Variants in MAT1A observed in about 807,000 individuals in gnomAD.
MAT1A encodes the protein S-adenosylmethionine synthase isoform type-1.
MAT1A carries 19 observed loss-of-function variants against 44.0 expected under a neutral mutation model. The ratio of observed to expected loss-of-function variants is 0.43; its 90% confidence interval spans 0.30 to 0.63. The LOEUF (loss-of-function observed/expected upper bound fraction) is 0.63. Among genes scored for constraint, MAT1A ranks in the 30% least tolerant of loss-of-function variants. The pLI is 0.12. For missense variants in MAT1A, 397 were observed against 531.0 expected, an observed-to-expected ratio of 0.75 and a Z score of 2.48; for synonymous variants, 205 against 205.6, an observed-to-expected ratio of 1.00 and a Z score of 0.03.
intron 1 of MAT1A, among the ~76,000 whole-genome samples, chr10:80,286,452 A>G (rs2342812): frequency 0.54 from 81,977 of 151,904 alleles, 23,186 homozygotes; most frequent in East Asian, 0.97. Context: ...GTTTTGCAGA[A>G]TACTTCCATA....
At chr10:80,286,963 C>T (rs1330327171) in intron 1 of MAT1A, among the ~76,000 whole-genome samples, 4 of 152,222 alleles carry the variant, frequency 2.6e-5, no homozygotes, top group African/African-American at 9.6e-5. Context: ...TTTAATCTAG[C>T]CTCCTGCCAG....
At chr10:80,279,368 C>T (rs1056487961) in intron 5 of MAT1A, among the ~76,000 whole-genome samples, 3 of 151,996 alleles carry the variant, frequency 2.0e-5, no homozygotes, top group Non-Finnish European at 4.4e-5. Context: ...GTGCTGCACA[C>T]GGCAGGCTCT....
chr10:80,283,399 G>A (rs1246782932), intron 3 of MAT1A, among the ~76,000 whole-genome samples: 1 of 152,238 alleles, frequency 6.6e-6, no homozygotes, highest in African/African-American at 2.4e-5. Flanking sequence ...CACCAGTTCT[G>A]GACTGAGTCA....
chr10:80,276,553 AG>A lies in MAT1A; in HGVS notation c.590del (p.Pro197LeufsTer26), dbSNP rs2132702725. The A allele has an allele frequency of 6.2e-7, 1 of 1,613,672 alleles. No homozygotes were observed. The highest frequency in any genetic ancestry group is 2.2e-5 in the East Asian group (1 of 44,882). ...QYMQDNGAVI[P>X]VRIHTIVISV... ...AGATGACGATGGTGTGGATGCGCAC[AG>A]GGATGACTGCGCCATTGTCCTGCAT... On this transcript the variant is annotated frameshift_variant, in exon 6 of 9. Coordinates refer to ENST00000372213, the MANE Select transcript of MAT1A (RefSeq NM_000429.3). LOFTEE classifies it high-confidence loss of function.
intron 7 of MAT1A, 31 bp downstream of exon 7, chr10:80,274,986 A>G (rs1376541048): frequency 6.5e-7 from 1 of 1,549,210 alleles, no homozygotes; most frequent in South Asian, 1.2e-5. Flanking sequence ...CCTCCACTGC[A>G]ACAGGACGGT....
chr10:80,275,453 G>T (rs1589480281), intron 6 of MAT1A: 1 of 557,548 alleles, frequency 1.8e-6, no homozygotes, highest in East Asian at 3.2e-5. Flanking sequence ...GGTTCTCTGG[G>T]GTCACAGCCA....
At chr10:80,276,945 G>A (rs1364949226) in intron 5 of MAT1A, among the ~76,000 whole-genome samples, 1 of 152,162 alleles carries the variant, frequency 6.6e-6, no homozygotes, top group East Asian at 1.9e-4. Context: ...GCCCTTTCTT[G>A]ACCCTCTATA....
At chr10:80,286,154 C>A (rs780545347) in intron 1 of MAT1A, among the ~76,000 whole-genome samples, 1 of 152,058 alleles carries the variant, frequency 6.6e-6, no homozygotes, top group Non-Finnish European at 1.5e-5. Flanking sequence ...AGGAGTCTAA[C>A]GCAACTCACA....
intron 1 of MAT1A, among the ~76,000 whole-genome samples, chr10:80,286,973 G>C (rs1841658222): frequency 6.6e-6 from 1 of 152,226 alleles, no homozygotes; most frequent in Non-Finnish European, 1.5e-5. Context: ...CCTCCTGCCA[G>C]TGGCAGACCC....
At chr10:80,274,742 C>T (rs1841459336) in intron 7 of MAT1A, 89 bp from the exon 8 acceptor site, 17 of 1,560,350 alleles carry the variant, frequency 1.1e-5, no homozygotes, top group East Asian at 6.9e-5. Flanking sequence ...AAGGGACCAG[C>T]GGGGACCACA....
In MAT1A at chr10:80,276,558, T is replaced by C; in HGVS notation, c.586A>G (p.Ile196Val). 1.9e-6 allele frequency: 3 copies of C among 1,613,532 alleles called. No homozygotes were observed. The highest frequency in any genetic ancestry group is 2.5e-6 in the Non-Finnish European group (3 of 1,180,042). ...ACGATGGTGTGGATGCGCACAGGGA[T>C]GACTGCGCCATTGTCCTGCATGTAC... ...VQYMQDNGAVIPVRIHTIVIS... is the reference protein window; with the variant it reads ...VQYMQDNGAVVPVRIHTIVIS... Residue 196 changes from isoleucine to valine, a missense_variant, in exon 6 of 9, where the codon ATC becomes GTC. Transcript: ENST00000372213.
chr10:80,274,459 G>A, intron 8 of MAT1A, 61 bp downstream of exon 8: 2 of 1,609,892 alleles, frequency 1.2e-6, no homozygotes, highest in Non-Finnish European at 1.7e-6. Context: ...TTTCAGGTGA[G>A]GTGAGCATCT....
At chr10:80,285,376 A>C (rs1389605490) in intron 2 of MAT1A, 136 bp downstream of exon 2, 1 of 742,136 alleles carries the variant, frequency 1.3e-6, no homozygotes. Context: ...AGGTCTCATA[A>C]TTGAGAAATC....
chr10:80,281,723 G>A (rs1841570493), intron 3 of MAT1A, among the ~76,000 whole-genome samples: 1 of 152,220 alleles, frequency 6.6e-6, no homozygotes, highest in African/African-American at 2.4e-5. Flanking sequence ...CCAAGCTGCT[G>A]TTTCTGTACA....
In MAT1A at chr10:80,276,564, C is replaced by T. The variant is rs148687668; in HGVS notation, c.580G>A (p.Ala194Thr). 2.4e-5 allele frequency: 39 copies of T among 1,612,998 alleles called. No individual in the cohort carries two copies. In the African/African-American group the frequency reaches 4.7e-4, roughly 19 times the overall value. The change falls in exon 6 of 9, where the codon GCA (alanine) becomes ACA (threonine). Residue 194 changes from alanine (A) to threonine (T), a missense_variant. By Grantham distance (58) the Ala-to-Thr change is moderately conservative. Transcript: ENST00000372213. Reference protein sequence around the residue: ...VTVQYMQDNGAVIPVRIHTIV... With the variant: ...VTVQYMQDNGTVIPVRIHTIV... ...GTGTGGATGCGCACAGGGATGACTG[C>T]GCCATTGTCCTGCATGTACTGAACT...
Position 80,273,789 on chromosome 10 carries a change from C to T in MAT1A, c.1180G>A (p.Val394Ile). ...EFPWEVPRKL[V>I]F ...CCCAGCTCCCCCTGGCTCTAAAATA[C>T]AAGCTTCCTGGGAACCTCCCATGGG... The change falls in exon 9 of 9, where the codon GTA becomes ATA. Residue 394 changes from valine to isoleucine, a missense_variant. By Grantham distance (29) the Val-to-Ile change is conservative. Coordinates refer to ENST00000372213, the MANE Select transcript of MAT1A (RefSeq NM_000429.3). The T allele has an allele frequency of 6.2e-7, 1 of 1,612,090 alleles. No homozygotes were observed. The highest frequency in any genetic ancestry group is 1.7e-4 in the Middle Eastern group (1 of 5,778).
chr10:80,284,676 T>C, intron 2 of MAT1A, among the ~76,000 whole-genome samples: 1 of 152,310 alleles, frequency 6.6e-6, no homozygotes, highest in Non-Finnish European at 1.5e-5. Context: ...CCCTACCCCA[T>C]GGCCTTGGCC....
intron 5 of MAT1A, among the ~76,000 whole-genome samples, chr10:80,277,757 C>T (rs982174527): frequency 2.0e-4 from 30 of 152,202 alleles, no homozygotes; most frequent in African/African-American, 7.0e-4. Flanking sequence ...CACGCAGTGG[C>T]CTTGCAGAAC....
chr10:80,276,549 G>A lies in MAT1A; in HGVS notation c.595C>T (p.Arg199Cys), dbSNP rs773267230. 30 of 1,613,558 alleles carry A rather than the reference G, an allele frequency of 1.9e-5. No individual in the cohort carries two copies. The highest frequency in any genetic ancestry group is 1.3e-4 in the Admixed American group (8 of 60,012). Residue 199 changes from arginine to cysteine, a missense_variant, in exon 6 of 9, where the codon CGC becomes TGC. Arg to Cys is a radical substitution (Grantham distance 180). Coordinates refer to ENST00000372213, the MANE Select transcript of MAT1A (RefSeq NM_000429.3). ...MQDNGAVIPV[R>C]IHTIVISVQH... ...ACAGAGATGACGATGGTGTGGATGCGCACAGGGATGACTGCGCCATTGTCC... is the reference window on the plus strand; with the variant it reads ...ACAGAGATGACGATGGTGTGGATGCACACAGGGATGACTGCGCCATTGTCC...
Sources: allele counts gnomAD v4.1 joint callset (sites outside exome capture counted in the v4.1 genomes callset), GRCh38; gene constraint gnomAD v4.1.1; transcripts MANE v1.5; gene names NCBI Gene and HGNC (gene_info 2026-07-23, HGNC 2026-07-21).